DNAH6: variants seen among roughly 807,000 people sequenced by gnomAD.
The protein encoded by DNAH6 is dynein axonemal heavy chain 6.
Under a neutral mutation model 491.4 loss-of-function variants are expected in DNAH6, and 340 were observed. The observed-to-expected ratio is 0.69, with a 90% CI of 0.63 to 0.76. The LOEUF (loss-of-function observed/expected upper bound fraction) is 0.76. Among genes scored for constraint, DNAH6 ranks in the 30% least tolerant of loss-of-function variants. DNAH6 has a pLI of 0.00. For synonymous variants in DNAH6, 1,603 were observed against 1,686.1 expected, an observed-to-expected ratio of 0.95 and a Z score of 1.21; for missense variants, 4,443 against 4,972.2, an observed-to-expected ratio of 0.89 and a Z score of 3.20.
chr2:84,723,083 C>G (rs960787454), intron 60 of DNAH6, among the ~76,000 whole-genome samples: 3 of 152,046 alleles, frequency 2.0e-5, no homozygotes, highest in African/African-American at 7.2e-5. Flanking sequence ...CAAAAATTAG[C>G]CAGGCGTGGT....
intron 11 of DNAH6, among the ~76,000 whole-genome samples, chr2:84,571,166 G>T (rs1283433846): frequency 6.6e-6 from 1 of 152,178 alleles, no homozygotes; most frequent in Non-Finnish European, 1.5e-5. Flanking sequence ...AGAAGAGAAA[G>T]TTTTTCTTTG....
In DNAH6 at chr2:84,529,174, A is replaced by T; in HGVS notation, c.662+8A>T. On this transcript the variant is annotated splice_region_variant and intron_variant, in intron 4 of 76. Coordinates refer to ENST00000389394, the MANE Select transcript of DNAH6 (RefSeq NM_001370.2). ...TGATACATATAATCTAAAGTGAGTT[A>T]TTTTTTATGATGCAATTTAACATAA... The T allele has an allele frequency of 6.6e-7, 1 of 1,514,394 alleles. No homozygotes were observed. Among genetic ancestry groups the T allele is most frequent in the Non-Finnish European group, 8.9e-7 (1 of 1,122,032 alleles). The allele number at this position is 1,514,394 out of a possible 1,614,324, so 93.8% of individuals were successfully genotyped here. A position where few individuals can be genotyped will look rare whatever the true frequency, so the allele number is the denominator to read the frequency against.
chr2:84,767,071 A>G (rs1675142718), intron 64 of DNAH6, among the ~76,000 whole-genome samples: 1 of 152,210 alleles, frequency 6.6e-6, no homozygotes, highest in Admixed American at 6.5e-5. Flanking sequence ...CCCGGACTAC[A>G]TGTTTAAAAA....
chr2:84,567,892 G>A lies in DNAH6; in HGVS notation c.1804-5575G>A, dbSNP rs542585466. On this transcript the variant is annotated intron_variant, in intron 11 of 76. Transcript: ENST00000389394. ...AGAATAGGAAAAATTTTTGCAATCT[G>A]GGCAAAGGACATGAACACACATTTC... is the stretch of plus-strand genomic sequence containing the variant. Among the ~76,000 whole-genome samples, 83 of 151,966 alleles carry A rather than the reference G, an allele frequency of 5.5e-4. 6 individuals are homozygous for A. The South Asian group carries it at 0.017, about 31-fold the overall frequency.
At chr2:84,643,194 C>T (rs1362843958) in intron 33 of DNAH6, among the ~76,000 whole-genome samples, 3 of 152,020 alleles carry the variant, frequency 2.0e-5, no homozygotes, top group Non-Finnish European at 4.4e-5. Flanking sequence ...ACTCCACTCT[C>T]TTCTTGCTTG....
rs185816637 is a variant in DNAH6, at chr2:84,793,409, G to T, written c.11240-2897G>T. Among the ~76,000 whole-genome samples, 13 of 152,306 alleles carry T rather than the reference G, an allele frequency of 8.5e-5. No homozygotes were observed. In the East Asian group the frequency reaches 2.5e-3, roughly 29 times the overall value. ...GGAGAAGCGCAAAATCTGTTGATTTGTAAGGAAAACACTTCTGTGCTGCTT... is the reference window on the plus strand; with the variant it reads ...GGAGAAGCGCAAAATCTGTTGATTTTTAAGGAAAACACTTCTGTGCTGCTT... On this transcript the variant is annotated intron_variant, in intron 68 of 76. Transcript: ENST00000389394.
chr2:84,583,365 G>A (rs114654691), intron 14 of DNAH6, among the ~76,000 whole-genome samples: 119 of 152,280 alleles, frequency 7.8e-4, no homozygotes, highest in African/African-American at 2.7e-3. Flanking sequence ...TATTGGCACT[G>A]TTTAATACAA....
At chr2:84,549,849 A>G (rs369497746) in intron 8 of DNAH6, 40 bp from the exon 9 acceptor site, 77 of 1,505,916 alleles carry the variant, frequency 5.1e-5, no homozygotes, top group Non-Finnish European at 6.7e-5. Flanking sequence ...TGTAGTGAAT[A>G]TAAGAAACCG....
In DNAH6 at chr2:84,819,387, G is replaced by A; in HGVS notation, c.12456G>A (p.Leu4152=). The A allele has an allele frequency of 6.4e-7, 1 of 1,551,006 alleles. No individual in the cohort carries two copies. The highest frequency in any genetic ancestry group is 8.7e-7 in the Non-Finnish European group (1 of 1,146,596). Residue 4152 remains leucine, a synonymous_variant, in exon 77 of 77, where the codon TTG becomes TTA. Transcript: ENST00000389394. ...KDYWIAKGSA[L]LCQLSE ...ACTGGATTGCCAAGGGATCAGCTTT[G>A]CTCTGCCAGCTGAGCGAATGAAAAG...
At chr2:84,811,346 G>A (rs1162640534) in intron 72 of DNAH6, among the ~76,000 whole-genome samples, 2 of 152,104 alleles carry the variant, frequency 1.3e-5, no homozygotes, top group African/African-American at 4.8e-5. Context: ...TCACAACACT[G>A]CGACCCATGG....
rs1013774637 is a variant in DNAH6 at position 84,665,449 on chromosome 2, C to T, written c.6085-3840C>T. 2.0e-4 allele frequency among the ~76,000 whole-genome samples: 30 copies of T among 152,194 alleles called. No homozygotes were observed. In the East Asian group the frequency reaches 2.5e-3, roughly 13 times the overall value. On this transcript the variant is annotated intron_variant, in intron 37 of 76. Transcript: ENST00000389394. ...ACCAATCCCACAGAAATACAAACTA[C>T]GATCAGAGAATACTATAAACACCTC...
chr2:84,632,350 C>A (rs895360037), intron 29 of DNAH6, among the ~76,000 whole-genome samples: 1 of 152,096 alleles, frequency 6.6e-6, no homozygotes, highest in African/African-American at 2.4e-5. Flanking sequence ...GGATTTCAAA[C>A]CCCCCACTCT....
chr2:84,787,431 T>A, intron 68 of DNAH6, 129 bp downstream of exon 68: 2 of 666,920 alleles, frequency 3.0e-6, no homozygotes, highest in Non-Finnish European at 4.9e-6. Flanking sequence ...TATTTTATGT[T>A]CCTTGTGTGA....
intron 63 of DNAH6, among the ~76,000 whole-genome samples, chr2:84,749,074 A>G (rs1428517830): frequency 6.6e-6 from 1 of 152,198 alleles, no homozygotes; most frequent in African/African-American, 2.4e-5. Context: ...GCACCAAGCC[A>G]TTCATGAGGG....
chr2:84,724,688 A>G (rs541509394), intron 60 of DNAH6, among the ~76,000 whole-genome samples: 2 of 152,290 alleles, frequency 1.3e-5, no homozygotes, highest in East Asian at 1.9e-4. Flanking sequence ...GCTGACTCAC[A>G]TGGCTGGGCT....
intron 63 of DNAH6, among the ~76,000 whole-genome samples, chr2:84,756,513 G>T (rs575726727): frequency 6.6e-6 from 1 of 152,302 alleles, no homozygotes; most frequent in Non-Finnish European, 1.5e-5. Context: ...AAGGACAAGG[G>T]TTCTATCATA....
At chr2:84,464,860 G>A in the DNAH6 span, among the ~76,000 whole-genome samples, 22 of 152,192 alleles carry the variant, frequency 1.4e-4, no homozygotes, top group African/African-American at 4.8e-4. Flanking sequence ...CTGTAACTTA[G>A]AATGCCTTAA....
intron 11 of DNAH6, among the ~76,000 whole-genome samples, chr2:84,560,791 A>C (rs1680588452): frequency 6.6e-6 from 1 of 152,170 alleles, no homozygotes; most frequent in South Asian, 2.1e-4. Flanking sequence ...ACATCAACTC[A>C]TCATTTCTTA....
chr2:84,613,213 C>A (rs1686504931), intron 22 of DNAH6, among the ~76,000 whole-genome samples: 1 of 151,544 alleles, frequency 6.6e-6, no homozygotes, highest in Admixed American at 6.6e-5. Flanking sequence ...CAGAAACCTG[C>A]AGGAATGAGG....
Sources: gnomAD v4.1 joint callset for allele counts (sites outside exome capture counted in the v4.1 genomes callset) on GRCh38, gnomAD v4.1.1 for gene constraint, MANE v1.5 for transcripts, NCBI Gene and HGNC (gene_info 2026-07-23, HGNC 2026-07-21) for gene names.